CPQ: variants seen among roughly 807,000 people sequenced by gnomAD.
CPQ encodes the protein carboxypeptidase Q, also known as Ser-Met dipeptidase.
CPQ carries 37 observed loss-of-function variants against 45.7 expected under a neutral mutation model. The ratio of observed to expected loss-of-function variants is 0.81; its 90% CI spans 0.62 to 1.07. The LOEUF (loss-of-function observed/expected upper bound fraction) is 1.07, where lower values mean the gene tolerates loss of function less well. CPQ is among the 50% of genes least tolerant of loss of function. CPQ has a pLI of 0.00. For missense variants in CPQ, 537 were observed against 572.9 expected (o/e 0.94, Z 0.64); for synonymous variants, 186 against 205.8 (o/e 0.90, Z 0.82).
intron 4 of CPQ, among the ~76,000 whole-genome samples, chr8:96,924,999 G>C (rs1005247031): frequency 1.3e-5 from 2 of 152,164 alleles, no homozygotes; most frequent in African/African-American, 4.8e-5. Flanking sequence ...AAAAGTAACT[G>C]AGTGACTAAT....
chr8:97,026,247 A>ATACATTT (rs1160076321), intron 5 of CPQ, among the ~76,000 whole-genome samples: 11 of 152,244 alleles, frequency 7.2e-5, no homozygotes, highest in African/African-American at 2.4e-4. Context: ...ACTATGTGCC[A>ATACATTT]GGACTATGCT....
At chr8:96,673,768 G>A (rs1563698488) in intron 1 of CPQ, among the ~76,000 whole-genome samples, 2 of 152,078 alleles carry the variant, frequency 1.3e-5, no homozygotes, top group Admixed American at 1.3e-4. Context: ...GCTCTAAGCT[G>A]GGAGGTGACA....
intron 4 of CPQ, among the ~76,000 whole-genome samples, chr8:96,927,686 G>A (rs1346695155): frequency 6.6e-6 from 1 of 152,122 alleles, no homozygotes; most frequent in African/African-American, 2.4e-5. Flanking sequence ...TTGGAGGGAA[G>A]GTAAGGGGTC....
At position 96,730,866 on chromosome 8, in the gene CPQ, C is replaced by CATATATAT. The variant is rs35247469; in HGVS notation, c.-34-53979_-34-53972dup. ...GATCTAGATCAATTAACCATACATACATATATATATATATATATATATATA... is the reference window on the plus strand; with the variant it reads ...GATCTAGATCAATTAACCATACATACATATATATATATATATATATATATATATATATA... On this transcript the variant is annotated intron_variant, in intron 1 of 7. Coordinates refer to ENST00000220763, the MANE Select transcript of CPQ (RefSeq NM_016134.4). Among the ~76,000 whole-genome samples the CATATATAT allele has an allele frequency of 2.6e-3, 179 of 68,682 alleles. 2 individuals are homozygous for CATATATAT. Among genetic ancestry groups the CATATATAT allele is most frequent in the African/African-American group, 5.3e-3 (104 of 19,688 alleles). 45.1% of individuals were successfully genotyped at this position (68,682 alleles called of 152,430 possible).
intron 5 of CPQ, among the ~76,000 whole-genome samples, chr8:97,015,640 G>A (rs1809567127): frequency 6.6e-6 from 1 of 152,014 alleles, no homozygotes; most frequent in Admixed American, 6.5e-5. Flanking sequence ...GGCATTGCTG[G>A]TAGAAATATA....
chr8:96,786,862 A>G (rs1810775093), intron 2 of CPQ, among the ~76,000 whole-genome samples: 1 of 152,096 alleles, frequency 6.6e-6, no homozygotes, highest in Non-Finnish European at 1.5e-5. Context: ...CCAGTTTTTA[A>G]TCGGACTATG....
intron 1 of CPQ, among the ~76,000 whole-genome samples, chr8:96,755,035 CT>C (rs577617897): frequency 1.8e-4 from 28 of 151,956 alleles, no homozygotes; most frequent in Non-Finnish European, 3.2e-4. Context: ...ATTCTTCCTG[CT>C]TTTTTATAGT....
At chr8:97,078,703 GA>G (rs998535268) in intron 7 of CPQ, among the ~76,000 whole-genome samples, 7 of 149,972 alleles carry the variant, frequency 4.7e-5, no homozygotes, top group African/African-American at 1.7e-4. Flanking sequence ...TTCTACTAGA[GA>G]TGTACAAATT....
At chr8:96,807,543 C>A (rs1471270327) in intron 2 of CPQ, among the ~76,000 whole-genome samples, 1 of 152,148 alleles carries the variant, frequency 6.6e-6, no homozygotes, top group Non-Finnish European at 1.5e-5. Context: ...GAAAACTACT[C>A]TTAATAGTTA....
chr8:97,066,545 C>T (rs1301443339), intron 7 of CPQ, among the ~76,000 whole-genome samples: 2 of 152,112 alleles, frequency 1.3e-5, no homozygotes, highest in Non-Finnish European at 2.9e-5. Flanking sequence ...CAAATGATCT[C>T]ATAACCAAAA....
intron 1 of CPQ, among the ~76,000 whole-genome samples, chr8:96,715,146 T>TA (rs1177200980): frequency 3.3e-5 from 5 of 151,962 alleles, no homozygotes; most frequent in African/African-American, 9.7e-5. Context: ...TGTCTGTGGG[T>TA]AAAAAACCAG....
chr8:96,745,776 A>T (rs1323939022), intron 1 of CPQ, among the ~76,000 whole-genome samples: 1 of 152,246 alleles, frequency 6.6e-6, no homozygotes, highest in African/African-American at 2.4e-5. Context: ...TATAATTAAA[A>T]TTCATAAAAA....
intron 2 of CPQ, among the ~76,000 whole-genome samples, chr8:96,812,175 T>A (rs1811168203): frequency 6.6e-6 from 1 of 152,114 alleles, no homozygotes; most frequent in South Asian, 2.1e-4. Context: ...AGGATAGCTT[T>A]TTTGCACAAG....
intron 2 of CPQ, among the ~76,000 whole-genome samples, chr8:96,794,043 G>A (rs1007354644): frequency 6.6e-6 from 1 of 152,162 alleles, no homozygotes; most frequent in African/African-American, 2.4e-5. Context: ...GCTGTTGGTG[G>A]ATCTATCATT....
At chr8:96,988,217 G>A (rs1031957192) in intron 5 of CPQ, among the ~76,000 whole-genome samples, 4 of 152,044 alleles carry the variant, frequency 2.6e-5, no homozygotes, top group Non-Finnish European at 5.9e-5. Flanking sequence ...ATGAAGCAGG[G>A]TTATAGGAGA....
In CPQ at chr8:96,879,188, G is replaced by GT. The variant is rs980422342; in HGVS notation, c.642-601dup. Among the ~76,000 whole-genome samples the GT allele has an allele frequency of 2.5e-3, 382 of 151,824 alleles. 3 individuals carry two copies. The highest frequency in any genetic ancestry group is 8.6e-3 in the African/African-American group (357 of 41,416). ...CTCCTTTAGTGCCAAAAGTATAATAGTTTTTTTTTCTCTTGTGGCAGTAAA... is the reference window on the plus strand; with the variant it reads ...CTCCTTTAGTGCCAAAAGTATAATAGTTTTTTTTTTCTCTTGTGGCAGTAAA... On this transcript the variant is annotated intron_variant, in intron 3 of 7. Coordinates refer to ENST00000220763, the MANE Select transcript of CPQ (RefSeq NM_016134.4).
intron 6 of CPQ, among the ~76,000 whole-genome samples, chr8:97,038,967 G>A (rs1810056924): frequency 6.6e-6 from 1 of 152,114 alleles, no homozygotes. Flanking sequence ...TTTAGTGAAA[G>A]AGATTTGTAG....
At chr8:96,932,265 T>C (rs1812984527) in intron 4 of CPQ, among the ~76,000 whole-genome samples, 1 of 152,206 alleles carries the variant, frequency 6.6e-6, no homozygotes, top group East Asian at 1.9e-4. Context: ...CTTCCCTATA[T>C]AATTTACTTA....
chr8:97,032,296 A>G (rs191847198), intron 6 of CPQ, among the ~76,000 whole-genome samples: 6 of 152,240 alleles, frequency 3.9e-5, no homozygotes, highest in African/African-American at 1.4e-4. Flanking sequence ...AAGCTGACAT[A>G]CCCTTTAAAA....
Sources: gnomAD v4.1 joint callset for allele counts (sites outside exome capture counted in the v4.1 genomes callset) on GRCh38, gnomAD v4.1.1 for gene constraint, MANE v1.5 for transcripts, NCBI Gene and HGNC (gene_info 2026-07-23, HGNC 2026-07-21) for gene names.